Variants in GRAMD1B observed in about 807,000 individuals in gnomAD.
GRAMD1B encodes protein Aster-B.
Under a neutral mutation model 99.7 loss-of-function variants are expected in GRAMD1B, and 37 were observed. That is an observed-to-expected ratio of 0.37 (90% CI 0.29 to 0.49). GRAMD1B has a LOEUF of 0.49. Among genes scored for constraint, GRAMD1B ranks in the 20% least tolerant of loss-of-function variants. The pLI, the probability that GRAMD1B is intolerant of heterozygous loss-of-function variation, is 0.98. For synonymous variants in GRAMD1B, 427 were observed against 387.6 expected, an observed-to-expected ratio of 1.10 and a Z score of -1.19; for missense variants, 888 against 1,009.2, an observed-to-expected ratio of 0.88 and a Z score of 1.63.
At chr11:123,449,400 T>C (rs1949779183) in intron 1 of GRAMD1B, among the ~76,000 whole-genome samples, 1 of 152,244 alleles carries the variant, frequency 6.6e-6, no homozygotes, top group Non-Finnish European at 1.5e-5. Context: ...TTTCATGGAA[T>C]TCTACGATAA....
chr11:123,511,384 G>T (rs944407252), intron 2 of GRAMD1B, among the ~76,000 whole-genome samples: 2 of 152,158 alleles, frequency 1.3e-5, no homozygotes, highest in African/African-American at 4.8e-5. Context: ...AGGGAATGGG[G>T]CCTGGGTGCT....
Position 123,477,919 on chromosome 11 carries a change from C to T in GRAMD1B, c.375-2897C>T, listed in dbSNP as rs186378272. Among the ~76,000 whole-genome samples, 259 of 151,956 alleles carry T rather than the reference C, an allele frequency of 1.7e-3. 1 individual carries two copies. The highest frequency in any genetic ancestry group is 3.4e-3 in the Middle Eastern group (1 of 294). ...TCTCCCAAGTAGCTGGGATTACAGG[C>T]GCTTGCCACCAAGACTGGCTAATTT... On this transcript the variant is annotated intron_variant, in intron 1 of 19. Coordinates refer to ENST00000635736, the MANE Select transcript of GRAMD1B (RefSeq NM_001387025.1).
chr11:123,388,868 G>A (rs867088304), intron 1 of GRAMD1B, among the ~76,000 whole-genome samples: 1 of 152,168 alleles, frequency 6.6e-6, no homozygotes, highest in South Asian at 2.1e-4. Context: ...GTGAGAAATA[G>A]ATTTCTAATG....
chr11:123,540,419 TCTACAAGG>T (rs1944393779), intron 2 of GRAMD1B, among the ~76,000 whole-genome samples: 1 of 152,230 alleles, frequency 6.6e-6, no homozygotes, highest in Admixed American at 6.5e-5. Flanking sequence ...CAGTGTACTT[TCTACAAGG>T]CTTTACACAT....
chr11:123,448,290 T>C (rs1040367182), intron 1 of GRAMD1B, among the ~76,000 whole-genome samples: 1 of 152,176 alleles, frequency 6.6e-6, no homozygotes, highest in Admixed American at 6.5e-5. Flanking sequence ...TCTTGCTCTG[T>C]TGCCCAGGCT....
chr11:123,424,748 A>C (rs1313995144), intron 1 of GRAMD1B, among the ~76,000 whole-genome samples: 2 of 152,164 alleles, frequency 1.3e-5, no homozygotes, highest in Admixed American at 1.3e-4. Flanking sequence ...AAAATTTATC[A>C]ATCTTTCCAG....
intron 8 of GRAMD1B, 112 bp downstream of exon 8, chr11:123,600,660 T>C (rs1951834146): frequency 6.2e-6 from 4 of 647,936 alleles, no homozygotes; most frequent in Non-Finnish European, 1.1e-5. Context: ...ACTGATGGTA[T>C]TGGCCTGAGT....
intron 1 of GRAMD1B, among the ~76,000 whole-genome samples, chr11:123,475,625 T>C (rs975960159): frequency 6.6e-6 from 1 of 152,212 alleles, no homozygotes; most frequent in Non-Finnish European, 1.5e-5. Context: ...CATCTTTCAG[T>C]CATCCGGTGC....
At chr11:123,468,644 A>G (rs1950826491) in intron 1 of GRAMD1B, among the ~76,000 whole-genome samples, 1 of 151,774 alleles carries the variant, frequency 6.6e-6, no homozygotes, top group East Asian at 1.9e-4. Context: ...AAATACAAAA[A>G]TCAGCCCGGT....
intron 1 of GRAMD1B, among the ~76,000 whole-genome samples, chr11:123,359,143 C>T (rs1330835668): frequency 1.3e-5 from 2 of 152,048 alleles, no homozygotes; most frequent in African/African-American, 4.8e-5. Flanking sequence ...GTAGAGAGGA[C>T]AGGGTTGGTT....
At chr11:123,437,066 C>G (rs1316186317) in intron 1 of GRAMD1B, among the ~76,000 whole-genome samples, 3 of 152,146 alleles carry the variant, frequency 2.0e-5, no homozygotes, top group African/African-American at 7.2e-5. Context: ...ATCCGTGTCC[C>G]TACAAAGGAC....
At chr11:123,456,707 G>A (rs989197591) in intron 1 of GRAMD1B, among the ~76,000 whole-genome samples, 20 of 152,106 alleles carry the variant, frequency 1.3e-4, no homozygotes, top group African/African-American at 4.3e-4. Context: ...ATCACTTGAG[G>A]TCAGGAGTTT....
Position 123,598,835 on chromosome 11 carries a change from C to G in GRAMD1B, c.970-1633C>G. ...CCTGAATCTTCCCAGAAAGTTCATT[C>G]TGATCTTGGAGAGGCTTCACTCTAT... On this transcript the variant is annotated intron_variant, in intron 7 of 19. Coordinates refer to ENST00000635736, the MANE Select transcript of GRAMD1B (RefSeq NM_001387025.1). 4 of 1,317,604 alleles carry G rather than the reference C, an allele frequency of 3.0e-6. No individual in the cohort carries two copies. In the South Asian group the frequency reaches 3.5e-5, roughly 12 times the overall value. 81.6% of individuals were successfully genotyped at this position (1,317,604 alleles called of 1,614,324 possible).
rs1440005524 is a variant in GRAMD1B at position 123,610,890 on chromosome 11, C to T, written c.1919+552C>T. Among the ~76,000 whole-genome samples the T allele has an allele frequency of 6.6e-6, 1 of 152,220 alleles. No individual in the cohort carries two copies. Among genetic ancestry groups the T allele is most frequent in the Non-Finnish European group, 1.5e-5 (1 of 68,044 alleles). On this transcript the variant is annotated intron_variant, in intron 14 of 19. Transcript: ENST00000635736. The surrounding 1 kb of genome is among the most constrained non-coding windows in gnomAD (Gnocchi z 4.1). Reference sequence around the variant, plus strand: ...CCTGCACGTATCAGAGTCCAGAGAACACTTATTAGTGAATAATTAGTTCTG... The same window carrying T: ...CCTGCACGTATCAGAGTCCAGAGAATACTTATTAGTGAATAATTAGTTCTG...
At chr11:123,597,034 A>T (rs1423270890) in intron 7 of GRAMD1B, among the ~76,000 whole-genome samples, 2 of 152,060 alleles carry the variant, frequency 1.3e-5, no homozygotes, top group Non-Finnish European at 2.9e-5. Flanking sequence ...GACCCATCAA[A>T]GTCTCTCATT....
intron 2 of GRAMD1B, among the ~76,000 whole-genome samples, chr11:123,537,260 G>A (rs977140590): frequency 2.0e-5 from 3 of 152,164 alleles, no homozygotes; most frequent in Non-Finnish European, 2.9e-5. Context: ...TTCTACTGTA[G>A]TGCAAATAGA....
At chr11:123,424,130 T>C (rs1948559605) in intron 1 of GRAMD1B, among the ~76,000 whole-genome samples, 1 of 152,066 alleles carries the variant, frequency 6.6e-6, no homozygotes. Context: ...ATTGGCTGAT[T>C]GAATGATAGT....
At chr11:123,540,061 A>G (rs753962699) in intron 2 of GRAMD1B, among the ~76,000 whole-genome samples, 1 of 148,974 alleles carries the variant, frequency 6.7e-6, no homozygotes, top group African/African-American at 2.5e-5. Context: ...AGTTATCTCA[A>G]TTTTTCTATC....
At chr11:123,467,394 CTTTTTTTTTTTT>C (rs11447711) in intron 1 of GRAMD1B, among the ~76,000 whole-genome samples, 6 of 103,340 alleles carry the variant, frequency 5.8e-5, no homozygotes, top group African/African-American at 1.9e-4. Flanking sequence ...TTTTCAACAC[CTTTTTTTTTTTT>C]TTTTTTTTTT....
Sources: allele counts gnomAD v4.1 joint callset (sites outside exome capture counted in the v4.1 genomes callset), GRCh38; gene constraint gnomAD v4.1.1; non-coding constraint Gnocchi (gnomAD v3.1); transcripts MANE v1.5; gene names NCBI Gene and HGNC (gene_info 2026-07-23, HGNC 2026-07-21).